ABLIM2: variants seen among roughly 807,000 people sequenced by gnomAD.
ABLIM2 encodes actin binding LIM protein family member 2.
ABLIM2 carries 53 observed loss-of-function variants against 97.7 expected under a neutral mutation model. The ratio of observed to expected loss-of-function variants is 0.54; its 90% CI spans 0.44 to 0.68. The LOEUF is 0.68. Among genes scored for constraint, ABLIM2 ranks in the 30% least tolerant of loss-of-function variants. ABLIM2 has a pLI of 0.00. For missense variants in ABLIM2, 835 were observed against 867.2 expected, an observed-to-expected ratio of 0.96 and a Z score of 0.47; for synonymous variants, 361 against 345.8, an observed-to-expected ratio of 1.04 and a Z score of -0.49.
chr4:8,098,934 G>A (rs1324238235), intron 2 of ABLIM2, among the ~76,000 whole-genome samples: 2 of 152,314 alleles, frequency 1.3e-5, no homozygotes, highest in African/African-American at 2.4e-5. Context: ...AACTCAGAAC[G>A]AAATCCCATC....
chr4:8,127,530 GCA>G lies in ABLIM2; in HGVS notation c.11-20895_11-20894del. On this transcript the variant is annotated intron_variant, in intron 1 of 20. Coordinates refer to ENST00000447017, the MANE Select transcript of ABLIM2 (RefSeq NM_001130083.2). The surrounding 1 kb of genome is among the most constrained non-coding windows in gnomAD (Gnocchi z 7.3). Reference sequence around the variant, plus strand: ...CCAGCCGGATGGTCTGGGCAAAAGCGCAGTTTGGGGATTTACCTGTGTCTCCC... The same window carrying G: ...CCAGCCGGATGGTCTGGGCAAAAGCGGTTTGGGGATTTACCTGTGTCTCCC... 7.8e-7 allele frequency: 1 copy of G among 1,289,742 alleles called. No individual in the cohort carries two copies. The highest frequency in any genetic ancestry group is 1.0e-6 in the Non-Finnish European group (1 of 988,838). The allele number at this position is 1,289,742 out of a possible 1,614,324, so 79.9% of individuals were successfully genotyped here.
intron 2 of ABLIM2, among the ~76,000 whole-genome samples, chr4:8,101,074 C>T (rs1834336087): frequency 6.6e-6 from 1 of 152,228 alleles, no homozygotes; most frequent in Non-Finnish European, 1.5e-5. Flanking sequence ...AGGTGCTGTC[C>T]ACCCGCTGCT....
intron 20 of ABLIM2, among the ~76,000 whole-genome samples, chr4:7,969,938 G>T (rs1726421410): frequency 1.3e-5 from 2 of 152,266 alleles, no homozygotes; most frequent in African/African-American, 4.8e-5. Flanking sequence ...CAGAAACTTA[G>T]AATTGTCATT....
chr4:8,106,351 C>T lies in ABLIM2; in HGVS notation c.154+143G>A, dbSNP rs944365279. On this transcript the variant is annotated intron_variant, in intron 2 of 20. Transcript: ENST00000447017. Reference sequence around the variant, plus strand: ...ACAAGGCTATGTTGAAAAGATCCCACTCTCCTCTGAAGATTCTGTATCTGG... The same window carrying T: ...ACAAGGCTATGTTGAAAAGATCCCATTCTCCTCTGAAGATTCTGTATCTGG... 37 of 1,192,716 alleles carry T rather than the reference C, an allele frequency of 3.1e-5. No individual in the cohort carries two copies. The South Asian group carries it at 5.3e-4, about 17-fold the overall frequency. 73.9% of individuals were successfully genotyped at this position (1,192,716 alleles called of 1,614,324 possible). A position where few individuals can be genotyped will look rare whatever the true frequency, so the allele number is the denominator to read the frequency against.
At chr4:8,056,305 CT>C (rs71175456) in intron 7 of ABLIM2, among the ~76,000 whole-genome samples, 499 of 128,166 alleles carry the variant, frequency 3.9e-3, no homozygotes, top group Admixed American at 5.2e-3. Flanking sequence ...TTCTTTCTTT[CT>C]TTTTTTTTTT....
Position 8,148,452 on chromosome 4 carries a change from G to A in ABLIM2, c.10+10228C>T, listed in dbSNP as rs535735455. On this transcript the variant is annotated intron_variant, in intron 1 of 20. Transcript: ENST00000447017. This position sits in a 1 kb window ranked among gnomAD's most constrained non-coding sequence, Gnocchi z 6.7. ...ATGGCGCACCACAGTTAGGAGTGCG[G>A]GTTCTGCAGCTGGCACGGTGCTTCT... is the stretch of plus-strand genomic sequence containing the variant. 6.6e-6 allele frequency among the ~76,000 whole-genome samples: 1 copy of A among 152,282 alleles called. No individual in the cohort carries two copies. The highest frequency in any genetic ancestry group is 1.5e-5 in the Non-Finnish European group (1 of 68,002).
intron 9 of ABLIM2, among the ~76,000 whole-genome samples, chr4:8,039,535 G>A (rs902267745): frequency 6.6e-5 from 10 of 152,190 alleles, no homozygotes; most frequent in Non-Finnish European, 1.5e-4. Flanking sequence ...TCTAATTGGC[G>A]GAAGGTCTCT....
At chr4:8,020,175 G>A (rs755057787) in intron 13 of ABLIM2, 27 bp downstream of exon 13, 1 of 1,599,294 alleles carries the variant, frequency 6.3e-7, no homozygotes, top group Non-Finnish European at 8.5e-7. Flanking sequence ...AGTGTAAGGA[G>A]CCCAGCCAGC....
Position 8,004,902 on chromosome 4 carries a change from G to T in ABLIM2, c.1618+3157C>A, listed in dbSNP as rs1055494815. Among the ~76,000 whole-genome samples the T allele has an allele frequency of 6.6e-6, 1 of 152,238 alleles. No homozygotes were observed. Among genetic ancestry groups the T allele is most frequent in the Non-Finnish European group, 1.5e-5 (1 of 68,044 alleles). On this transcript the variant is annotated intron_variant, in intron 16 of 20. Coordinates refer to ENST00000447017, the MANE Select transcript of ABLIM2 (RefSeq NM_001130083.2). This position sits in a 1 kb window ranked among gnomAD's most constrained non-coding sequence, Gnocchi z 5.9. ...CCTCTTTGGAGGGGTGGCAATGCCTGCTGGGAACTAATGGAATGGGGATGG... is the reference window on the plus strand; with the variant it reads ...CCTCTTTGGAGGGGTGGCAATGCCTTCTGGGAACTAATGGAATGGGGATGG...
In ABLIM2 at chr4:8,032,146, C is replaced by T. The variant is rs943038591; in HGVS notation, c.1048-2370G>A. 2.6e-5 allele frequency among the ~76,000 whole-genome samples: 4 copies of T among 151,000 alleles called. No homozygotes were observed. Among genetic ancestry groups the T allele is most frequent in the Admixed American group, 2.0e-4 (3 of 15,156 alleles). ...TGCTGTGGCCACCCGTGCGGCCGCACAGACTGCAGTCTGATTGGCAGCTCT... is the reference window on the plus strand; with the variant it reads ...TGCTGTGGCCACCCGTGCGGCCGCATAGACTGCAGTCTGATTGGCAGCTCT... On this transcript the variant is annotated intron_variant, in intron 10 of 20. Coordinates refer to ENST00000447017, the MANE Select transcript of ABLIM2 (RefSeq NM_001130083.2). This position sits in a 1 kb window ranked among gnomAD's most constrained non-coding sequence, Gnocchi z 4.3.
intron 1 of ABLIM2, among the ~76,000 whole-genome samples, chr4:8,144,177 C>T (rs1851439243): frequency 6.6e-6 from 1 of 152,216 alleles, no homozygotes; most frequent in Non-Finnish European, 1.5e-5. Flanking sequence ...GATCAAAGCA[C>T]CCAGCAGAGC....
chr4:7,982,278 G>T lies in ABLIM2; in HGVS notation c.1824+986C>A, dbSNP rs1054789736. On this transcript the variant is annotated intron_variant, in intron 20 of 20. Coordinates refer to ENST00000447017, the MANE Select transcript of ABLIM2 (RefSeq NM_001130083.2). ...TGGCAGCTGGCCCTGTGCACATGGG[G>T]TCATACACACTCTCCAGCCTTGGGG... Among the ~76,000 whole-genome samples the T allele has an allele frequency of 2.6e-5, 4 of 152,358 alleles. No individual in the cohort carries two copies. In the South Asian group the frequency reaches 8.3e-4, roughly 32 times the overall value.
intron 9 of ABLIM2, among the ~76,000 whole-genome samples, chr4:8,038,496 T>C (rs1262330095): frequency 2.0e-5 from 3 of 152,184 alleles, no homozygotes; most frequent in Admixed American, 6.5e-5. Context: ...CACCCTAAGC[T>C]GTCTCTTCCC....
At chr4:8,074,776 C>CTT (rs71175458) in intron 6 of ABLIM2, among the ~76,000 whole-genome samples, 52 of 105,008 alleles carry the variant, frequency 5.0e-4, no homozygotes, top group Non-Finnish European at 7.2e-4. Flanking sequence ...CCTGGTAATT[C>CTT]TTTTTTTTTT....
At chr4:8,009,283 C>T (rs978261735) in intron 14 of ABLIM2, among the ~76,000 whole-genome samples, 181 bp from the exon 15 acceptor site, 6 of 152,222 alleles carry the variant, frequency 3.9e-5, no homozygotes, top group Non-Finnish European at 5.9e-5. Flanking sequence ...CCAGGGATCA[C>T]GACCCAGGGA....
At chr4:8,078,478 C>T (rs375361696) in intron 5 of ABLIM2, among the ~76,000 whole-genome samples, 75 of 152,340 alleles carry the variant, frequency 4.9e-4, no homozygotes, top group African/African-American at 1.4e-3. Context: ...AGAGAAAAGC[C>T]GTCTGCGGGG....
intron 1 of ABLIM2, among the ~76,000 whole-genome samples, chr4:8,109,125 CCT>C (rs1212423109): frequency 1.3e-5 from 2 of 152,252 alleles, no homozygotes; most frequent in East Asian, 1.9e-4. Context: ...CCGCCTGTCC[CCT>C]GAGTGCAAGA....
intron 17 of ABLIM2, among the ~76,000 whole-genome samples, chr4:7,990,339 G>A (rs1747700313): frequency 6.6e-6 from 1 of 152,060 alleles, no homozygotes; most frequent in African/African-American, 2.4e-5. Context: ...TGGGACTATA[G>A]GATGCCCGCC....
intron 8 of ABLIM2, among the ~76,000 whole-genome samples, chr4:8,051,575 AAAAAG>A (rs1796096965): frequency 1.3e-5 from 2 of 151,456 alleles, no homozygotes; most frequent in South Asian, 2.1e-4. Flanking sequence ...AAAAAAAAAA[AAAAAG>A]AAAAGAAAAG....
Sources: allele counts gnomAD v4.1 joint callset (sites outside exome capture counted in the v4.1 genomes callset), GRCh38; gene constraint gnomAD v4.1.1; non-coding constraint Gnocchi (gnomAD v3.1); transcripts MANE v1.5; gene names NCBI Gene and HGNC (gene_info 2026-07-23, HGNC 2026-07-21).